The following MORC3 variants were observed in gnomAD, a reference collection of about 807,000 sequenced individuals.
MORC3 encodes the protein MORC family CW-type zinc finger protein 3.
MORC3 carries 31 observed loss-of-function variants against 109.1 expected under a neutral mutation model. The ratio of observed to expected loss-of-function variants is 0.28; its 90% CI spans 0.21 to 0.38. The LOEUF (loss-of-function observed/expected upper bound fraction) is 0.38, where lower values mean the gene tolerates loss of function less well. Among genes scored for constraint, MORC3 ranks in the 10% least tolerant of loss-of-function variants. MORC3 has a pLI of 1.00. For synonymous variants in MORC3, 395 were observed against 380.7 expected (o/e 1.04, Z -0.44); for missense variants, 867 against 1,135.8 (o/e 0.76, Z 3.40).
chr21:36,361,920 G>C, intron 12 of MORC3: 1 of 487,206 alleles, frequency 2.1e-6, no homozygotes, highest in South Asian at 2.6e-5. Context: ...AAAAGCCTGT[G>C]ATTCTGGACT....
chr21:36,338,703 T>G lies in MORC3; in HGVS notation c.461-71T>G. On this transcript the variant is annotated intron_variant, in intron 4 of 16. Transcript: ENST00000400485. The stretch of plus-strand genomic sequence containing the variant: ...AAATAGTTTTTCTGTTATTTAAGTT[T>G]ATAGAGTTAGTTTTCATATTGTAAT... 12 of 1,397,498 alleles carry G rather than the reference T, an allele frequency of 8.6e-6. No individual in the cohort carries two copies. The South Asian group carries it at 1.5e-4, about 18-fold the overall frequency. 86.6% of individuals were successfully genotyped at this position (1,397,498 alleles called of 1,614,324 possible).
At chr21:36,341,324 A>T in intron 5 of MORC3, 75 bp from the exon 6 acceptor site, 1 of 1,371,914 alleles carries the variant, frequency 7.3e-7, no homozygotes, top group Non-Finnish European at 1.0e-6. Flanking sequence ...TTACCTTTTT[A>T]ATGACTTACA....
chr21:36,371,653 A>G (rs975219227), intron 15 of MORC3, among the ~76,000 whole-genome samples: 1 of 149,612 alleles, frequency 6.7e-6, no homozygotes, highest in Non-Finnish European at 1.5e-5. Context: ...GGAAAATCAT[A>G]AAGTCAAACC....
intron 6 of MORC3, 112 bp downstream of exon 6, chr21:36,341,658 A>G: frequency 1.4e-6 from 2 of 1,420,860 alleles, no homozygotes; most frequent in Non-Finnish European, 1.9e-6. Flanking sequence ...TCTCTAAATG[A>G]AAGTATCTCA....
intron 14 of MORC3, among the ~76,000 whole-genome samples, chr21:36,365,794 A>G (rs774346211): frequency 6.6e-6 from 1 of 151,986 alleles, no homozygotes; most frequent in Non-Finnish European, 1.5e-5. Context: ...GTTAGCCAGG[A>G]TAGTCTCGAA....
chr21:36,340,847 G>T (rs2146303912), intron 5 of MORC3, among the ~76,000 whole-genome samples: 1 of 152,150 alleles, frequency 6.6e-6, no homozygotes, highest in South Asian at 2.1e-4. Flanking sequence ...ATATTGACCA[G>T]GCTGGTCTTG....
At chr21:36,324,867 C>G (rs768027044) in intron 1 of MORC3, among the ~76,000 whole-genome samples, 1 of 152,124 alleles carries the variant, frequency 6.6e-6, no homozygotes, top group Non-Finnish European at 1.5e-5. Flanking sequence ...GCCACCATGC[C>G]TGGCTAATTT....
Position 36,364,246 on chromosome 21 carries a change from C to G in MORC3, c.1606C>G (p.Pro536Ala). Residue 536 changes from proline (P) to alanine (A), a missense_variant, in exon 14 of 17, where the codon CCT becomes GCT. Coordinates refer to ENST00000400485, the MANE Select transcript of MORC3 (RefSeq NM_015358.3). ...TCATCAAGTTCCACCTCAGTCTGAA[C>G]CTGAGAGCAACAGGTCAGTGGCTAA... ...NNHQVPPQSE[P>A]ESNSLKRRLS... 1 of 1,614,018 alleles carries G rather than the reference C, an allele frequency of 6.2e-7. No homozygotes were observed. Among genetic ancestry groups the G allele is most frequent in the South Asian group, 1.1e-5 (1 of 91,066 alleles).
chr21:36,362,795 T>G (rs2085734991), intron 13 of MORC3, among the ~76,000 whole-genome samples: 1 of 152,158 alleles, frequency 6.6e-6, no homozygotes, highest in Admixed American at 6.6e-5. Context: ...TTTCTTCTCT[T>G]GTACTTCTGC....
intron 3 of MORC3, among the ~76,000 whole-genome samples, chr21:36,337,427 T>C (rs73202290): frequency 0.037 from 5,669 of 152,252 alleles, 112 homozygotes; most frequent in Middle Eastern, 0.1. Flanking sequence ...GCGATGAGTT[T>C]GCATGTTAGT....
At position 36,375,534 on chromosome 21, in the gene MORC3, T is replaced by C. The variant is rs914431056; in HGVS notation, c.*238T>C. 2 of 350,002 alleles carry C rather than the reference T, an allele frequency of 5.7e-6. No individual in the cohort carries two copies. The highest frequency in any genetic ancestry group is 4.6e-5 in the Admixed American group (1 of 21,890). The allele number at this position is 350,002 out of a possible 1,614,324, so 21.7% of individuals were successfully genotyped here. On this transcript the variant is annotated 3_prime_UTR_variant, in exon 17 of 17. Transcript: ENST00000400485. ...AGCTAACTCATGACTCTGTTTTGAA[T>C]GTAAATATTTGTAATTAAGCCTGCA...
At chr21:36,348,361 T>C (rs905729912) in intron 8 of MORC3, 1 of 152,232 alleles carries the variant, frequency 6.6e-6, no homozygotes, top group Non-Finnish European at 1.5e-5. Context: ...GTGGTTTCTG[T>C]TCTCTAAGAA....
At chr21:36,363,128 T>C (rs890009953) in intron 13 of MORC3, among the ~76,000 whole-genome samples, 8 of 152,094 alleles carry the variant, frequency 5.3e-5, no homozygotes, top group South Asian at 2.1e-4. Flanking sequence ...CCATTATAAG[T>C]TGAAAATGTT....
chr21:36,333,761 TGTA>T (rs752107595), intron 2 of MORC3, 43 bp downstream of exon 2: 12 of 1,420,538 alleles, frequency 8.4e-6, no homozygotes, highest in African/African-American at 1.5e-5. Context: ...TGCTTACAAT[TGTA>T]GTGTTTTTTT....
Position 36,341,556 on chromosome 21 carries a change from C to T in MORC3, c.756+10C>T. 4 of 1,613,598 alleles carry T rather than the reference C, an allele frequency of 2.5e-6. No individual in the cohort carries two copies. Among genetic ancestry groups the T allele is most frequent in the Non-Finnish European group, 3.4e-6 (4 of 1,179,910 alleles). On this transcript the variant is annotated intron_variant, in intron 6 of 16. Coordinates refer to ENST00000400485, the MANE Select transcript of MORC3 (RefSeq NM_015358.3). The stretch of plus-strand genomic sequence containing the variant: ...TGACTATTCCCTGAGGGTATGTATT[C>T]AGCTCTCTTTGTGGAAGTGAGAAAA...
At chr21:36,326,818 A>ATTTTT (rs879920096) in intron 1 of MORC3, among the ~76,000 whole-genome samples, 1 of 144,584 alleles carries the variant, frequency 6.9e-6, no homozygotes, top group African/African-American at 2.5e-5. Context: ...AAATTTAAAG[A>ATTTTT]TTTTTTTTTT....
chr21:36,354,155 C>A (rs1253508566), intron 9 of MORC3, among the ~76,000 whole-genome samples: 1 of 151,878 alleles, frequency 6.6e-6, no homozygotes, highest in Non-Finnish European at 1.5e-5. Context: ...GTTCATATGT[C>A]TTCATCCTCG....
intron 6 of MORC3, among the ~76,000 whole-genome samples, chr21:36,343,770 T>TATAA (rs2085478046): frequency 6.6e-6 from 1 of 152,070 alleles, no homozygotes; most frequent in Admixed American, 6.6e-5. Context: ...TTTCTTGTGT[T>TATAA]GATATTATTC....
At chr21:36,351,056 CCT>C in intron 9 of MORC3, among the ~76,000 whole-genome samples, 1 of 116,040 alleles carries the variant, frequency 8.6e-6, no homozygotes, top group South Asian at 2.8e-4. Flanking sequence ...CGGTTGTCCT[CCT>C]TTTTTTTTTT....
Sources: gnomAD v4.1 joint callset for allele counts (sites outside exome capture counted in the v4.1 genomes callset) on GRCh38, gnomAD v4.1.1 for gene constraint, MANE v1.5 for transcripts, NCBI Gene and HGNC (gene_info 2026-07-23, HGNC 2026-07-21) for gene names.